Variants in ANK2 observed in about 807,000 individuals in gnomAD.
ANK2 encodes ankyrin-2.
ANK2 carries 83 observed loss-of-function variants against 360.5 expected under a neutral mutation model. The observed-to-expected ratio is 0.23, with a 90% CI of 0.19 to 0.28. The LOEUF (loss-of-function observed/expected upper bound fraction) is 0.28. Ranked by LOEUF, ANK2 falls within the 10% of genes least tolerant of loss-of-function variation. ANK2 has a pLI of 1.00. For synonymous variants in ANK2, 1,740 were observed against 1,759.5 expected, an observed-to-expected ratio of 0.99 and a Z score of 0.28; for missense variants, 4,201 against 4,795.7, an observed-to-expected ratio of 0.88 and a Z score of 3.66.
At chr4:113,190,303 G>A (rs1047795254) in intron 2 of ANK2, among the ~76,000 whole-genome samples, 1 of 151,904 alleles carries the variant, frequency 6.6e-6, no homozygotes, top group African/African-American at 2.4e-5. Flanking sequence ...TAGAGACAGG[G>A]CTCTCTATGT....
intron 1 of ANK2, among the ~76,000 whole-genome samples, chr4:113,070,608 A>G (rs1035867673): frequency 3.9e-5 from 6 of 152,130 alleles, no homozygotes; most frequent in Non-Finnish European, 8.8e-5. Context: ...AGTTTGCCCT[A>G]CAAGTCTTAT....
chr4:113,002,201 C>T (rs1334217469), intron 2 of ANK2, among the ~76,000 whole-genome samples: 1 of 152,034 alleles, frequency 6.6e-6, no homozygotes, highest in Non-Finnish European at 1.5e-5. Flanking sequence ...ACCCAGCCAT[C>T]CCATTACTGG....
At chr4:113,233,108 T>TG (rs2099334327) in intron 5 of ANK2, among the ~76,000 whole-genome samples, 1 of 4,768 alleles carries the variant, frequency 2.1e-4, no homozygotes, top group East Asian at 5.4e-3. Flanking sequence ...GCTTTTCTGT[T>TG]TTTTTTTTTT....
At chr4:113,366,594 C>T (rs1018315504) in intron 41 of ANK2, among the ~76,000 whole-genome samples, 2 of 151,892 alleles carry the variant, frequency 1.3e-5, no homozygotes, top group African/African-American at 4.8e-5. Context: ...TCTGCATTCT[C>T]CTGTTTCAGG....
intron 41 of ANK2, among the ~76,000 whole-genome samples, chr4:113,366,867 T>A (rs963937372): frequency 6.6e-6 from 1 of 152,196 alleles, no homozygotes; most frequent in Non-Finnish European, 1.5e-5. Context: ...TATATCTTGT[T>A]CACTGCTATA....
At chr4:113,031,578 A>AT (rs903975963) in intron 2 of ANK2, 1 of 91,830 alleles carries the variant, frequency 1.1e-5, no homozygotes, top group Non-Finnish European at 2.2e-5. Context: ...CCCCATTTCT[A>AT]TTTTTTTGGT....
intron 30 of ANK2, 169 bp downstream of exon 30, chr4:113,336,226 A>G: frequency 1.4e-6 from 1 of 720,436 alleles, no homozygotes; most frequent in Admixed American, 3.2e-5. Context: ...TAATCTATTT[A>G]AAAATTCAAC....
chr4:113,089,483 T>A (rs999874790), intron 1 of ANK2, among the ~76,000 whole-genome samples: 2 of 152,166 alleles, frequency 1.3e-5, no homozygotes, highest in African/African-American at 4.8e-5. Context: ...TTACTATGAT[T>A]TATGGAAGAT....
At chr4:113,262,329 CT>C (rs2053396572) in intron 13 of ANK2, among the ~76,000 whole-genome samples, 1 of 152,126 alleles carries the variant, frequency 6.6e-6, no homozygotes, top group Non-Finnish European at 1.5e-5. Context: ...TAGGCACAGG[CT>C]ATCCTCCTGC....
chr4:112,746,614 G>T, the ANK2 span, among the ~76,000 whole-genome samples: 1 of 151,692 alleles, frequency 6.6e-6, no homozygotes, highest in African/African-American at 2.4e-5. Flanking sequence ...TTCTTGAAGT[G>T]ATACAGATGA....
At chr4:112,993,309 C>T (rs1355587779) in intron 2 of ANK2, among the ~76,000 whole-genome samples, 1 of 151,928 alleles carries the variant, frequency 6.6e-6, no homozygotes, top group Non-Finnish European at 1.5e-5. Context: ...TGTATACCTT[C>T]CTTTCTTTTT....
chr4:113,111,261 C>T (rs929958809), intron 1 of ANK2, among the ~76,000 whole-genome samples: 1 of 152,144 alleles, frequency 6.6e-6, no homozygotes, highest in Admixed American at 6.5e-5. Flanking sequence ...CCAAATGACA[C>T]ATCTAGTTGA....
chr4:112,844,202 A>G (rs1342249853), intron 1 of ANK2, among the ~76,000 whole-genome samples: 2 of 152,156 alleles, frequency 1.3e-5, no homozygotes, highest in Non-Finnish European at 2.9e-5. Flanking sequence ...AACTTACATG[A>G]TTCACCTGAC....
At chr4:112,899,557 A>C (rs1483344215) in intron 1 of ANK2, among the ~76,000 whole-genome samples, 3 of 152,182 alleles carry the variant, frequency 2.0e-5, no homozygotes, top group Non-Finnish European at 4.4e-5. Context: ...TAACAGAATG[A>C]ACTATTTTAT....
intron 2 of ANK2, chr4:112,904,615 A>G: frequency 1.2e-6 from 1 of 865,570 alleles, no homozygotes; most frequent in Non-Finnish European, 1.7e-6. Flanking sequence ...AATTTTTATG[A>G]AAACAGATTT....
At chr4:112,893,034 GC>G (rs2080577677) in intron 1 of ANK2, among the ~76,000 whole-genome samples, 1 of 152,034 alleles carries the variant, frequency 6.6e-6, no homozygotes, top group Non-Finnish European at 1.5e-5. Context: ...TTCTAAAGTT[GC>G]TTTTATGTTC....
At chr4:112,796,655 CT>C in the ANK2 span, among the ~76,000 whole-genome samples, 3,643 of 135,608 alleles carry the variant, frequency 0.027, 116 homozygotes, top group African/African-American at 0.084. Context: ...TGGCCACCTT[CT>C]TTTTTTTTTT....
intron 1 of ANK2, among the ~76,000 whole-genome samples, chr4:112,843,777 G>A (rs545248430): frequency 1.3e-4 from 20 of 151,820 alleles, no homozygotes; most frequent in Non-Finnish European, 1.8e-4. Context: ...ATAGTTTTTC[G>A]TTCTAAAACT....
intron 2 of ANK2, among the ~76,000 whole-genome samples, chr4:112,948,226 T>C (rs1277470616): frequency 6.6e-6 from 1 of 152,138 alleles, no homozygotes; most frequent in Non-Finnish European, 1.5e-5. Context: ...TAAGGCTGCT[T>C]GAGGGGCTGG....
Sources: allele counts gnomAD v4.1 joint callset (sites outside exome capture counted in the v4.1 genomes callset), GRCh38; gene constraint gnomAD v4.1.1; transcripts MANE v1.5; gene names NCBI Gene and HGNC (gene_info 2026-07-23, HGNC 2026-07-21).